Variants in DNAJC13 observed in about 807,000 individuals in gnomAD.
DNAJC13 encodes dnaJ homolog subfamily C member 13.
In DNAJC13, 75 loss-of-function variants were observed where a neutral mutation model predicts 290.5. That is an observed-to-expected ratio of 0.26 (90% CI 0.21 to 0.31). The LOEUF (loss-of-function observed/expected upper bound fraction) is 0.31, where lower values mean the gene tolerates loss of function less well. Ranked by LOEUF, DNAJC13 falls within the 10% of genes least tolerant of loss-of-function variation. The pLI, the probability that DNAJC13 is intolerant of heterozygous loss-of-function variation, is 1.00. For missense variants in DNAJC13, 2,260 were observed against 2,674.5 expected (o/e 0.85, Z 3.42); for synonymous variants, 862 against 892.0 (o/e 0.97, Z 0.60).
intron 36 of DNAJC13, among the ~76,000 whole-genome samples, chr3:132,498,808 CG>C (rs1935318208): frequency 6.6e-6 from 1 of 151,968 alleles, no homozygotes; most frequent in Admixed American, 6.6e-5. Flanking sequence ...CTCCACCTCC[CG>C]GGTTCACACC....
chr3:132,470,738 G>A (rs1934194850), intron 20 of DNAJC13, among the ~76,000 whole-genome samples: 3 of 113,376 alleles, frequency 2.6e-5, no homozygotes, highest in Admixed American at 7.8e-5. Context: ...CAGTAGGGGC[G>A]GCCGGGCAGA....
chr3:132,536,528 T>C (rs1211597344), intron 55 of DNAJC13, among the ~76,000 whole-genome samples: 1 of 152,230 alleles, frequency 6.6e-6, no homozygotes, highest in Non-Finnish European at 1.5e-5. Context: ...TCTTGTAACC[T>C]ACTATTTTGA....
chr3:132,498,270 T>A (rs1356454419), intron 36 of DNAJC13, among the ~76,000 whole-genome samples: 2 of 151,658 alleles, frequency 1.3e-5, no homozygotes, highest in African/African-American at 2.4e-5. Flanking sequence ...CAGTTATCTT[T>A]AAGATAACTG....
At chr3:132,526,642 G>A (rs571744216) in intron 53 of DNAJC13, among the ~76,000 whole-genome samples, 3 of 152,290 alleles carry the variant, frequency 2.0e-5, no homozygotes, top group Admixed American at 1.3e-4. Flanking sequence ...TTTGTAAAAT[G>A]TGCTTCATCC....
chr3:132,456,759 G>A lies in DNAJC13; in HGVS notation c.1276G>A (p.Glu426Lys). ...GDVVASNAEL[E>K]SQFQAVRRLV... ...TGTCGTTGCTTCAAATGCGGAACTT[G>A]AGAGTCAGTTCCAGGCTGTGAGGAG... The change falls in exon 12 of 56, where the codon GAG (glutamate) becomes AAG (lysine). Residue 426 changes from glutamate (E) to lysine (K), a missense_variant. By Grantham distance (56) the Glu-to-Lys change is moderately conservative. Transcript: ENST00000260818. The A allele has an allele frequency of 6.2e-7, 1 of 1,614,112 alleles. No individual in the cohort carries two copies. The highest frequency in any genetic ancestry group is 8.5e-7 in the Non-Finnish European group (1 of 1,179,956).
chr3:132,478,423 A>G (rs144402402), intron 24 of DNAJC13, among the ~76,000 whole-genome samples: 295 of 152,324 alleles, frequency 1.9e-3, no homozygotes, highest in African/African-American at 6.8e-3. Flanking sequence ...GGACAGGTGT[A>G]TAAAAGAAAT....
chr3:132,499,279 C>A lies in DNAJC13; in HGVS notation c.4310C>A (p.Ala1437Asp), dbSNP rs1402796575. 1 of 1,611,850 alleles carries A rather than the reference C, an allele frequency of 6.2e-7. No homozygotes were observed. The highest frequency in any genetic ancestry group is 1.7e-5 in the Admixed American group (1 of 59,784). ...FHTVNCSALN[A>D]EELRRENGLE... ...ACTGTCAACTGTTCAGCCCTCAATG[C>A]TGAAGAGCTCAGAAGAGAGAATGGA... Residue 1437 changes from alanine (A) to aspartate (D), a missense_variant, in exon 37 of 56, where the codon GCT becomes GAT. Physicochemically the swap from Ala to Asp is moderately radical, Grantham distance 126 (BLOSUM62 -2). Coordinates refer to ENST00000260818, the MANE Select transcript of DNAJC13 (RefSeq NM_015268.4).
intron 13 of DNAJC13, among the ~76,000 whole-genome samples, chr3:132,459,684 TATCTC>T (rs577276355): frequency 2.2e-4 from 33 of 152,180 alleles, no homozygotes; most frequent in Non-Finnish European, 4.0e-4. Flanking sequence ...TTACATGAAT[TATCTC>T]ATCTAAGCAT....
At chr3:132,431,631 A>G (rs1357135211) in intron 1 of DNAJC13, among the ~76,000 whole-genome samples, 1 of 152,186 alleles carries the variant, frequency 6.6e-6, no homozygotes, top group Non-Finnish European at 1.5e-5. Context: ...TGTTTTTACC[A>G]CTCAGGTATA....
intron 33 of DNAJC13, among the ~76,000 whole-genome samples, chr3:132,493,826 A>T (rs927225857): frequency 1.3e-5 from 2 of 151,280 alleles, no homozygotes; most frequent in Non-Finnish European, 3.0e-5. Flanking sequence ...TTTATCTTTC[A>T]CCCGTAAAGA....
In DNAJC13 at chr3:132,501,171, G is replaced by A. The variant is rs1935396999; in HGVS notation, c.4536+258G>A. ...TCTGAACATTAGAATGAGTGGCAGGGAGAAAAGAGAAGCCTGTAATAAATA... is the reference window on the plus strand; with the variant it reads ...TCTGAACATTAGAATGAGTGGCAGGAAGAAAAGAGAAGCCTGTAATAAATA... On this transcript the variant is annotated intron_variant, in intron 39 of 55. Transcript: ENST00000260818. 2.6e-5 allele frequency among the ~76,000 whole-genome samples: 4 copies of A among 152,124 alleles called. No homozygotes were observed. In the South Asian group the frequency reaches 8.3e-4, roughly 31 times the overall value.
At chr3:132,434,229 CAAAA>C (rs1197478891) in intron 1 of DNAJC13, among the ~76,000 whole-genome samples, 2 of 139,020 alleles carry the variant, frequency 1.4e-5, no homozygotes, top group Non-Finnish European at 3.1e-5. Flanking sequence ...AAACAAAAAA[CAAAA>C]AAATTAGCCG....
At chr3:132,471,097 C>T (rs1182946846) in intron 20 of DNAJC13, among the ~76,000 whole-genome samples, 7 of 130,836 alleles carry the variant, frequency 5.4e-5, no homozygotes, top group African/African-American at 1.4e-4. Flanking sequence ...CCGGACGGGG[C>T]GGCTGGCCGG....
intron 55 of DNAJC13, among the ~76,000 whole-genome samples, chr3:132,534,084 T>A (rs185961214): frequency 6.6e-6 from 1 of 152,116 alleles, no homozygotes; most frequent in Non-Finnish European, 1.5e-5. Flanking sequence ...TTTCTTCCCA[T>A]CCCTGAGCCG....
intron 20 of DNAJC13, among the ~76,000 whole-genome samples, chr3:132,471,785 C>T (rs1934273279): frequency 6.9e-6 from 1 of 144,172 alleles, no homozygotes; most frequent in Admixed American, 7.0e-5. Context: ...CAGAGGGGCT[C>T]CTCACATCCC....
At chr3:132,465,208 T>C (rs1053552066) in intron 17 of DNAJC13, among the ~76,000 whole-genome samples, 2 of 152,168 alleles carry the variant, frequency 1.3e-5, no homozygotes, top group African/African-American at 4.8e-5. Flanking sequence ...TCTTCAGTAA[T>C]GTAACATATA....
Position 132,434,645 on chromosome 3 carries a change from T to TC in DNAJC13, c.68+28dup, listed in dbSNP as rs765358292. 5.2e-6 allele frequency: 8 copies of TC among 1,552,416 alleles called. No homozygotes were observed. In the East Asian group the frequency reaches 1.6e-4, roughly 30 times the overall value. On this transcript the variant is annotated intron_variant, in intron 2 of 55. Coordinates refer to ENST00000260818, the MANE Select transcript of DNAJC13 (RefSeq NM_015268.4). Reference sequence around the variant, plus strand: ...TAAGTATTCTTGTTGGGTTTTTTTTTCTGTGCTTCTATAAAATATTTTAAA... The same window carrying TC: ...TAAGTATTCTTGTTGGGTTTTTTTTTCCTGTGCTTCTATAAAATATTTTAAA...
chr3:132,473,135 T>C lies in DNAJC13; in HGVS notation c.2209-10T>C. On this transcript the variant is annotated splice_polypyrimidine_tract_variant and intron_variant, in intron 20 of 55. Transcript: ENST00000260818. ...CAGATTGAGCACTATGAAGTTTTTT[T>C]CTGTTCCAGAATATAAATCAGAAGC... The C allele has an allele frequency of 1.2e-6, 2 of 1,602,672 alleles. No individual in the cohort carries two copies. The highest frequency in any genetic ancestry group is 1.7e-6 in the Non-Finnish European group (2 of 1,174,120).
chr3:132,526,855 A>G (rs1237149266), intron 53 of DNAJC13, among the ~76,000 whole-genome samples: 1 of 152,200 alleles, frequency 6.6e-6, no homozygotes, highest in East Asian at 1.9e-4. Flanking sequence ...CTAAAATGTA[A>G]CTCAAAGAAC....
Sources: allele counts gnomAD v4.1 joint callset (sites outside exome capture counted in the v4.1 genomes callset), GRCh38; gene constraint gnomAD v4.1.1; transcripts MANE v1.5; gene names NCBI Gene and HGNC (gene_info 2026-07-23, HGNC 2026-07-21).